MAP2K2: variants seen among roughly 807,000 people sequenced by gnomAD.
MAP2K2 encodes mitogen-activated protein kinase kinase 2.
A neutral mutation model predicts 43.7 loss-of-function variants in MAP2K2; 24 were observed. That is an observed-to-expected ratio of 0.55 (90% CI 0.40 to 0.77). MAP2K2 has a LOEUF of 0.77. Among genes scored for constraint, MAP2K2 ranks in the 30% least tolerant of loss-of-function variants. The pLI is 0.00. For missense variants in MAP2K2, 470 were observed against 566.8 expected (o/e 0.83, Z 1.73); for synonymous variants, 244 against 239.7 (o/e 1.02, Z -0.17).
chr19:4,121,631 G>A (rs2041295257), intron 1 of MAP2K2, among the ~76,000 whole-genome samples: 1 of 73,620 alleles, frequency 1.4e-5, no homozygotes, highest in Non-Finnish European at 2.5e-5. Context: ...CATGACCCCC[G>A]AGGACCCAAC....
chr19:4,099,488 T>G (rs2040970193), intron 6 of MAP2K2, 74 bp from the exon 7 acceptor site: 1 of 1,207,128 alleles, frequency 8.3e-7, no homozygotes, highest in Admixed American at 2.0e-5. Flanking sequence ...CTTGCCCCGT[T>G]ACAGCCCCCG....
chr19:4,117,749 G>C (rs1242689281), intron 1 of MAP2K2, 120 bp from the exon 2 acceptor site: 4 of 865,994 alleles, frequency 4.6e-6, no homozygotes, highest in Non-Finnish European at 7.7e-6. Context: ...GCACTTGAGG[G>C]GTTCATGGTG....
At chr19:4,097,407 G>T in intron 7 of MAP2K2, 64 bp from the exon 8 acceptor site, 1 of 1,280,130 alleles carries the variant, frequency 7.8e-7, no homozygotes. Flanking sequence ...CTGGGGGTTG[G>T]GCTCCCAGGG....
rs374008097 is a variant in MAP2K2 at position 4,107,502 on chromosome 19, C to T, written c.450+3007G>A. Among the ~76,000 whole-genome samples the T allele has an allele frequency of 5.6e-4, 69 of 122,510 alleles. 2 individuals carry two copies. The highest frequency in any genetic ancestry group is 4.4e-3 in the East Asian group (18 of 4,068). The allele number at this position is 122,510 out of a possible 152,430, so 80.4% of individuals were successfully genotyped here. On this transcript the variant is annotated intron_variant, in intron 3 of 10. Transcript: ENST00000262948. ...TTGTGCCACTGCACTCCAGCCTGGG[C>T]GACAGAGCTAGACTCCGTCTCAAAA...
Position 4,090,602 on chromosome 19 carries a change from AC to A in MAP2K2, c.1198del (p.Val400CysfsTer26). ...NQPGTPTRTA[V>X] ...ACGCAGGGAGCCCGGCCACTGTCAC[AC>A]GGCGGTGCGCGTGGGTGTGCCGGGC... On this transcript the variant is annotated frameshift_variant, in exon 11 of 11. Transcript: ENST00000262948. LOFTEE classifies it high-confidence loss of function. 1 of 1,550,936 alleles carries A rather than the reference AC, an allele frequency of 6.4e-7. No homozygotes were observed. The highest frequency in any genetic ancestry group is 8.7e-7 in the Non-Finnish European group (1 of 1,147,310).
In MAP2K2 at chr19:4,090,611, C is replaced by T. The variant is rs751040819; in HGVS notation, c.1190G>A (p.Arg397His). The change falls in exon 11 of 11, where the codon CGC becomes CAC. Residue 397 changes from arginine to histidine, a missense_variant. Coordinates refer to ENST00000262948, the MANE Select transcript of MAP2K2 (RefSeq NM_030662.4). ...LRLNQPGTPT[R>H]TAV is the part of the protein sequence containing the mutation. ...GCCCGGCCACTGTCACACGGCGGTG[C>T]GCGTGGGTGTGCCGGGCTGGTTCAG... 2.4e-5 allele frequency: 37 copies of T among 1,551,380 alleles called. No individual in the cohort carries two copies. In the South Asian group the frequency reaches 2.6e-4, roughly 11 times the overall value.
At chr19:4,096,881 T>G (rs992855215) in intron 8 of MAP2K2, among the ~76,000 whole-genome samples, 1 of 151,750 alleles carries the variant, frequency 6.6e-6, no homozygotes, top group African/African-American at 2.4e-5. Context: ...AACAATGCCC[T>G]TGGGAAGGAG....
Position 4,090,830 on chromosome 19 carries a change from C to T in MAP2K2, c.1093-122G>A, listed in dbSNP as rs878937018. The T allele has an allele frequency of 9.6e-5, 70 of 732,852 alleles. No homozygotes were observed. The South Asian group carries it at 1.0e-3, about 11-fold the overall frequency. The allele number at this position is 732,852 out of a possible 1,614,324, so 45.4% of individuals were successfully genotyped here. On this transcript the variant is annotated intron_variant, in intron 10 of 10. Transcript: ENST00000262948. ...GAAAGCAAAAAACAGAGGAGACCCTCCCTTCCCCACAGGAAGACGCACTCG... is the reference window on the plus strand; with the variant it reads ...GAAAGCAAAAAACAGAGGAGACCCTTCCTTCCCCACAGGAAGACGCACTCG...
chr19:4,114,375 G>A (rs1163747916), intron 2 of MAP2K2, among the ~76,000 whole-genome samples: 1 of 152,236 alleles, frequency 6.6e-6, no homozygotes, highest in East Asian at 1.9e-4. Context: ...GTCGTCACTT[G>A]TGAGACAGCA....
At chr19:4,092,936 C>T (rs1454897028) in intron 10 of MAP2K2, among the ~76,000 whole-genome samples, 4 of 151,966 alleles carry the variant, frequency 2.6e-5, no homozygotes, top group South Asian at 2.1e-4. Context: ...AGGTCGGGCA[C>T]GGTGGCTCAC....
At chr19:4,113,118 G>A (rs1001061372) in intron 2 of MAP2K2, among the ~76,000 whole-genome samples, 3 of 152,160 alleles carry the variant, frequency 2.0e-5, no homozygotes, top group African/African-American at 4.8e-5. Context: ...AAGAGCGCGC[G>A]TTCGGCTGGC....
Position 4,117,554 on chromosome 19 carries a change from G to A in MAP2K2, c.168C>T (p.Ala56=), listed in dbSNP as rs147814905. The A allele has an allele frequency of 1.2e-6, 2 of 1,614,036 alleles. No homozygotes were observed. The highest frequency in any genetic ancestry group is 2.7e-5 in the African/African-American group (2 of 74,934). Residue 56 remains alanine (A), a synonymous_variant, in exon 2 of 11, where the codon GCC becomes GCT. Coordinates refer to ENST00000262948, the MANE Select transcript of MAP2K2 (RefSeq NM_030662.4). ...CGACCTTGGCTTTCTGGGTGAGAAA[G>A]GCTTCCAGCCGCTTCTTCTGCTGCT... is the stretch of plus-strand genomic sequence containing the variant. ...LDEQQKKRLE[A]FLTQKAKVGE...
chr19:4,105,532 A>G (rs2041075434), intron 3 of MAP2K2, among the ~76,000 whole-genome samples: 1 of 152,066 alleles, frequency 6.6e-6, no homozygotes, highest in South Asian at 2.1e-4. Flanking sequence ...TCGGCCTCCC[A>G]AAGTGCTGGG....
chr19:4,104,036 G>A (rs1012580849), intron 3 of MAP2K2, among the ~76,000 whole-genome samples: 9 of 152,176 alleles, frequency 5.9e-5, no homozygotes, highest in Non-Finnish European at 1.3e-4. Context: ...GGCTGAGGCA[G>A]GCGGATCACT....
At chr19:4,105,369 C>T (rs1461257308) in intron 3 of MAP2K2, among the ~76,000 whole-genome samples, 6 of 151,566 alleles carry the variant, frequency 4.0e-5, no homozygotes, top group East Asian at 3.9e-4. Flanking sequence ...CCCGGGTTCA[C>T]GCCATTCTCC....
At position 4,117,466 on chromosome 19, in the gene MAP2K2, C is replaced by T. The variant is rs2041237616; in HGVS notation, c.256G>A (p.Val86Ile). The T allele has an allele frequency of 6.2e-7, 1 of 1,613,944 alleles. No individual in the cohort carries two copies. Among genetic ancestry groups the T allele is most frequent in the African/African-American group, 1.3e-5 (1 of 74,946 alleles). ...GAGGGTCTGTGCTGGACTTTGGTGA[C>T]CACCCCGCCGTTGCCCGCGCCCAGC... ...SELGAGNGGV[V>I]TKVQHRPSGL... The change falls in exon 2 of 11, where the codon GTC (valine) becomes ATC (isoleucine). Residue 86 changes from valine (V) to isoleucine (I), a missense_variant. Physicochemically the swap from Val to Ile is conservative, Grantham distance 29. Transcript: ENST00000262948.
At chr19:4,094,561 G>C in intron 9 of MAP2K2, 63 bp from the exon 10 acceptor site, 3 of 1,516,096 alleles carry the variant, frequency 2.0e-6, no homozygotes, top group Non-Finnish European at 2.7e-6. Context: ...CAGTCAGCTG[G>C]TGGCCCCGGG....
chr19:4,110,800 C>T (rs1280170817), intron 2 of MAP2K2, 145 bp from the exon 3 acceptor site: 8 of 822,472 alleles, frequency 9.7e-6, no homozygotes, highest in Non-Finnish European at 1.5e-5. Flanking sequence ...AGGTGTCTGC[C>T]TAGAAGTGGA....
chr19:4,096,790 C>T (rs1420256285), intron 8 of MAP2K2, among the ~76,000 whole-genome samples: 1 of 152,136 alleles, frequency 6.6e-6, no homozygotes, highest in Admixed American at 6.5e-5. Context: ...TCGGCCTGAG[C>T]CCAGGGCTGC....
Sources: gnomAD v4.1 joint callset for allele counts (sites outside exome capture counted in the v4.1 genomes callset) on GRCh38, gnomAD v4.1.1 for gene constraint, MANE v1.5 for transcripts, NCBI Gene and HGNC (gene_info 2026-07-23, HGNC 2026-07-21) for gene names.